The following TERB2 variants were observed in gnomAD, a reference collection of about 807,000 sequenced individuals.
TERB2 encodes the protein telomere repeat binding bouquet formation protein 2, also known as telomere repeats-binding bouquet formation protein 2.
TERB2 carries 26 observed loss-of-function variants against 29.8 expected under a neutral mutation model. The observed-to-expected ratio is 0.87, with a 90% CI of 0.64 to 1.21. The LOEUF is 1.21. TERB2 is among the 50% of genes most tolerant of loss of function. The pLI is 0.00. For missense variants in TERB2, 240 were observed against 268.6 expected (o/e 0.89, Z 0.74); for synonymous variants, 80 against 90.8 (o/e 0.88, Z 0.68).
In TERB2 at chr15:44,972,425, T is replaced by G. The variant is rs577297173; in HGVS notation, c.435-1442T>G. On this transcript the variant is annotated intron_variant, in intron 5 of 6. Transcript: ENST00000340827. ...TTATACAATTATATTGTTAGTTATA[T>G]GTGATCTAAGTATAGTAAACATTGT... Among the ~76,000 whole-genome samples, 3 of 152,336 alleles carry G rather than the reference T, an allele frequency of 2.0e-5. No homozygotes were observed. The South Asian group carries it at 6.2e-4, about 32-fold the overall frequency.
At chr15:44,961,754 T>C (rs1595475282) in intron 4 of TERB2, among the ~76,000 whole-genome samples, 170 bp downstream of exon 4, 1 of 152,162 alleles carries the variant, frequency 6.6e-6, no homozygotes, top group Admixed American at 6.5e-5. Context: ...GGCTGGAGTG[T>C]AGCAACGCGA....
intron 4 of TERB2, among the ~76,000 whole-genome samples, chr15:44,962,128 A>T (rs1891814297): frequency 6.6e-6 from 1 of 151,694 alleles, no homozygotes; most frequent in African/African-American, 2.4e-5. Context: ...AAACTTGAAA[A>T]TTTGCTTCTG....
chr15:44,961,266 T>C (rs1370279257), intron 3 of TERB2, among the ~76,000 whole-genome samples: 1 of 150,532 alleles, frequency 6.6e-6, no homozygotes, highest in Non-Finnish European at 1.5e-5. Context: ...GATATAGATA[T>C]ATTCTAGCAG....
chr15:44,963,804 C>CTTTTTTTTTTTTT (rs34438861), intron 4 of TERB2, among the ~76,000 whole-genome samples: 77 of 79,170 alleles, frequency 9.7e-4, no homozygotes, highest in Non-Finnish European at 1.3e-3. Context: ...TTATACTATT[C>CTTTTTTTTTTTTT]TTTTTTTTTT....
intron 5 of TERB2, among the ~76,000 whole-genome samples, chr15:44,969,070 C>T (rs1164184377): frequency 1.3e-5 from 2 of 151,560 alleles, no homozygotes; most frequent in African/African-American, 2.4e-5. Context: ...TAGCTAGGAC[C>T]GCAGATGTGG....
chr15:44,969,685 T>C (rs1407362390), intron 5 of TERB2, among the ~76,000 whole-genome samples: 5 of 151,460 alleles, frequency 3.3e-5, no homozygotes, highest in Non-Finnish European at 5.9e-5. Flanking sequence ...TCCTAGCTAC[T>C]TGGGAGGCTG....
intron 5 of TERB2, 30 bp downstream of exon 5, chr15:44,966,273 C>T: frequency 7.3e-7 from 1 of 1,367,724 alleles, no homozygotes; most frequent in Non-Finnish European, 9.8e-7. Context: ...CATTAATATT[C>T]AATTCAATGT....
rs575159221 is a variant in TERB2, at chr15:44,969,950, G to A, written c.434+3707G>A. ...CTACAAAATTTTAATCAAAATCTACGTTTAGTTTGTTAAGTAATTTCTTGA... is the reference window on the plus strand; with the variant it reads ...CTACAAAATTTTAATCAAAATCTACATTTAGTTTGTTAAGTAATTTCTTGA... On this transcript the variant is annotated intron_variant, in intron 5 of 6. Coordinates refer to ENST00000340827, the MANE Select transcript of TERB2 (RefSeq NM_152448.3). 1.6e-4 allele frequency: 25 copies of A among 151,686 alleles called. 2 individuals carry two copies. Among genetic ancestry groups the A allele is most frequent in the African/African-American group, 5.4e-4 (22 of 41,036 alleles). The allele number at this position is 151,686 out of a possible 1,614,324, so 9.4% of individuals were successfully genotyped here.
At chr15:44,966,339 T>A in intron 5 of TERB2, 96 bp downstream of exon 5, 1 of 618,982 alleles carries the variant, frequency 1.6e-6, no homozygotes, top group East Asian at 3.6e-5. Context: ...AGTTTTCCTA[T>A]GAGATAGATA....
chr15:44,957,631 A>C (rs897089827), intron 2 of TERB2, among the ~76,000 whole-genome samples: 8 of 152,296 alleles, frequency 5.3e-5, no homozygotes, highest in South Asian at 2.1e-4. Flanking sequence ...ATCCTCACTG[A>C]CACTAACTTA....
intron 3 of TERB2, among the ~76,000 whole-genome samples, chr15:44,961,082 T>C (rs1891794295): frequency 6.6e-6 from 1 of 151,050 alleles, no homozygotes; most frequent in Admixed American, 6.6e-5. Flanking sequence ...CATACATATA[T>C]ACATATACAT....
At chr15:44,959,695 A>G (rs1167208559) in intron 3 of TERB2, among the ~76,000 whole-genome samples, 1 of 152,132 alleles carries the variant, frequency 6.6e-6, no homozygotes, top group Non-Finnish European at 1.5e-5. Context: ...GCCCATGGGT[A>G]GGTTTCTTAT....
chr15:44,959,376 A>G (rs769738608), intron 3 of TERB2, among the ~76,000 whole-genome samples: 16 of 151,644 alleles, frequency 1.1e-4, no homozygotes, highest in Non-Finnish European at 2.2e-4. Flanking sequence ...TAACTTTATT[A>G]TTATTATTTT....
chr15:44,966,429 C>T (rs1394349218), intron 5 of TERB2, among the ~76,000 whole-genome samples, 186 bp downstream of exon 5: 1 of 152,014 alleles, frequency 6.6e-6, no homozygotes, highest in Non-Finnish European at 1.5e-5. Context: ...GTCATACAAA[C>T]TTTATTAAGT....
chr15:44,979,226 T>C lies in TERB2; in HGVS notation c.*598T>C, dbSNP rs1177091123. On this transcript the variant is annotated 3_prime_UTR_variant, in exon 7 of 7. Transcript: ENST00000340827. Reference sequence around the variant, plus strand: ...TAAATATCTCAAAAGTGACTTAACATAAACAGACTATGAGTGTTATGTCTT... The same window carrying C: ...TAAATATCTCAAAAGTGACTTAACACAAACAGACTATGAGTGTTATGTCTT... 2.0e-5 allele frequency: 3 copies of C among 152,246 alleles called. No individual in the cohort carries two copies. The highest frequency in any genetic ancestry group is 2.1e-4 in the South Asian group (1 of 4,836). The allele number at this position is 152,246 out of a possible 1,614,324, so 9.4% of individuals were successfully genotyped here.
chr15:44,956,998 G>A, intron 2 of TERB2, 21 bp downstream of exon 2: 2 of 1,601,580 alleles, frequency 1.2e-6, no homozygotes, highest in Non-Finnish European at 1.7e-6. Flanking sequence ...CGACCTGGCA[G>A]TGCCTCTTAT....
chr15:44,966,282 G>A (rs1162920648), intron 5 of TERB2, 39 bp downstream of exon 5: 4 of 1,300,956 alleles, frequency 3.1e-6, no homozygotes, highest in South Asian at 1.7e-5. Context: ...TCAATTCAAT[G>A]TAGAAATCTG....
At chr15:44,956,803 A>C in intron 1 of TERB2, 21 bp downstream of exon 1, 9 of 1,613,814 alleles carry the variant, frequency 5.6e-6, no homozygotes, top group Non-Finnish European at 7.6e-6. Context: ...GAGTGGAAGC[A>C]GCGGGTTAGG....
rs1892079597 is a variant in TERB2, at chr15:44,978,603, T to C, written c.638T>C (p.Ile213Thr). The C allele has an allele frequency of 1.9e-6, 3 of 1,597,852 alleles. No homozygotes were observed. The highest frequency in any genetic ancestry group is 4.5e-5 in the East Asian group (2 of 44,652). The stretch of plus-strand genomic sequence containing the variant: ...CAAAATGAAATTAATATGTCTGCTA[T>C]AAAAAACAAATTGAAGAGGAAATAG... ...HVQNEINMSA[I>T]KNKLKRK The change falls in exon 7 of 7, where the codon ATA (isoleucine) becomes ACA (threonine). Residue 213 changes from isoleucine to threonine, a missense_variant. Ile to Thr is a moderately conservative substitution (Grantham distance 89, BLOSUM62 -1). Transcript: ENST00000340827.
Sources: allele counts gnomAD v4.1 joint callset (sites outside exome capture counted in the v4.1 genomes callset), GRCh38; gene constraint gnomAD v4.1.1; transcripts MANE v1.5; gene names NCBI Gene and HGNC (gene_info 2026-07-23, HGNC 2026-07-21).